Variants in ANKRD27 observed in about 807,000 individuals in gnomAD.
ANKRD27 encodes the protein ankyrin repeat domain 27, also known as ankyrin repeat domain-containing protein 27.
Under a neutral mutation model 129.7 loss-of-function variants are expected in ANKRD27, and 112 were observed. The ratio of observed to expected loss-of-function variants is 0.86; its 90% confidence interval spans 0.74 to 1.01. The LOEUF is 1.01. ANKRD27 is among the 50% of genes least tolerant of loss of function. ANKRD27 has a pLI of 0.00. For missense variants in ANKRD27, 1,258 were observed against 1,300.5 expected (o/e 0.97, Z 0.50); for synonymous variants, 516 against 511.2 (o/e 1.01, Z -0.13).
chr19:32,659,251 T>C (rs1203594761), intron 1 of ANKRD27, among the ~76,000 whole-genome samples: 2 of 151,596 alleles, frequency 1.3e-5, no homozygotes, highest in Non-Finnish European at 2.9e-5. Context: ...CCGCGAATTT[T>C]TGTATTTTTA....
chr19:32,601,444 AC>A (rs1847449970), intron 26 of ANKRD27, among the ~76,000 whole-genome samples: 1 of 151,314 alleles, frequency 6.6e-6, no homozygotes, highest in Non-Finnish European at 1.5e-5. Flanking sequence ...AAATACAAAA[AC>A]AAAATTAGCT....
At chr19:32,634,651 G>A (rs1967057530) in intron 12 of ANKRD27, among the ~76,000 whole-genome samples, 1 of 152,090 alleles carries the variant, frequency 6.6e-6, no homozygotes, top group Non-Finnish European at 1.5e-5. Context: ...CGCAGTGGCT[G>A]GTACCTGTAA....
intron 20 of ANKRD27, 120 bp from the exon 21 acceptor site, chr19:32,617,753 GTTTT>G (rs375079407): frequency 1.8e-4 from 52 of 296,958 alleles, no homozygotes; most frequent in East Asian, 4.0e-4. Context: ...GTCTGATTTA[GTTTT>G]TTTTTTTTTT....
rs1424266918 is a variant in ANKRD27 at position 32,649,782 on chromosome 19, G to A, written c.113C>T (p.Pro38Leu). Residue 38 changes from proline (P) to leucine (L), a missense_variant, in exon 3 of 29, where the codon CCC (proline) becomes CTC (leucine). By Grantham distance (98) the Pro-to-Leu change is moderately conservative. Transcript: ENST00000306065. The part of the protein sequence containing the change: ...VAQIHGIVLV[P>L]CKGSLSSSIQ... ...GCTGCTCGACAGGCTTCCTTTGCAGGGTACTAAGACCTGGAAAAAACAATT... is the reference window on the plus strand; with the variant it reads ...GCTGCTCGACAGGCTTCCTTTGCAGAGTACTAAGACCTGGAAAAAACAATT... The A allele has an allele frequency of 6.2e-7, 1 of 1,612,998 alleles. No individual in the cohort carries two copies. The highest frequency in any genetic ancestry group is 1.1e-5 in the South Asian group (1 of 91,048).
At chr19:32,632,930 C>T (rs1421533929) in intron 12 of ANKRD27, among the ~76,000 whole-genome samples, 1 of 152,180 alleles carries the variant, frequency 6.6e-6, no homozygotes, top group Non-Finnish European at 1.5e-5. Flanking sequence ...CAGCAGTCCC[C>T]CAGGAGGGTT....
chr19:32,601,080 CTT>C (rs2145254441), intron 26 of ANKRD27, among the ~76,000 whole-genome samples: 3 of 151,376 alleles, frequency 2.0e-5, no homozygotes, highest in South Asian at 2.1e-4. Flanking sequence ...GGGCGGATCA[CTT>C]GAGGTCAGGA....
At chr19:32,600,981 C>A (rs1971643055) in intron 26 of ANKRD27, among the ~76,000 whole-genome samples, 1 of 152,082 alleles carries the variant, frequency 6.6e-6, no homozygotes, top group Non-Finnish European at 1.5e-5. Context: ...TTATAATCAA[C>A]CTCCGTACAC....
rs1235216585 is a variant in ANKRD27, at chr19:32,619,347, G to T, written c.1920C>A (p.Asp640Glu). 1 of 1,613,836 alleles carries T rather than the reference G, an allele frequency of 6.2e-7. No homozygotes were observed. Among genetic ancestry groups the T allele is most frequent in the Admixed American group, 1.7e-5 (1 of 60,010 alleles). The change falls in exon 20 of 29, where the codon GAC becomes GAA. Residue 640 changes from aspartate (D) to glutamate (E), a missense_variant. Physicochemically the swap from Asp to Glu is conservative, Grantham distance 45. Transcript: ENST00000306065. ...APVQSPQRSV[D>E]SISQESSTSS... ...AAGTGGAGGACTCTTGGCTGATGGAGTCCACGGAGCGCTGCGGGGACTGCA... is the reference window on the plus strand; with the variant it reads ...AAGTGGAGGACTCTTGGCTGATGGATTCCACGGAGCGCTGCGGGGACTGCA...
At chr19:32,631,361 C>T in intron 13 of ANKRD27, 41 bp downstream of exon 13, 1 of 1,559,218 alleles carries the variant, frequency 6.4e-7, no homozygotes, top group Non-Finnish European at 8.8e-7. Context: ...ATGCAGTGTT[C>T]CTCACCCACA....
Position 32,642,095 on chromosome 19 carries a change from G to A in ANKRD27, c.833C>T (p.Thr278Ile), listed in dbSNP as rs1245438552. 21 of 1,610,846 alleles carry A rather than the reference G, an allele frequency of 1.3e-5. No individual in the cohort carries two copies. The highest frequency in any genetic ancestry group is 1.7e-5 in the Non-Finnish European group (20 of 1,177,834). ...GCAGACAAGCTTCTGCTGTGGGGAG[G>A]TGCATTTGTTCAGCTGAGCCAGCTC... ...KRELAQLNKCTSPQQKLVCLR... is the reference protein window; with the variant it reads ...KRELAQLNKCISPQQKLVCLR... Residue 278 changes from threonine (T) to isoleucine (I), a missense_variant, in exon 10 of 29, where the codon ACC (threonine) becomes ATC (isoleucine). Coordinates refer to ENST00000306065, the MANE Select transcript of ANKRD27 (RefSeq NM_032139.3).
Position 32,598,214 on chromosome 19 carries a change from G to A in ANKRD27, c.3084C>T (p.Val1028=), listed in dbSNP as rs376452284. 97 of 1,614,106 alleles carry A rather than the reference G, an allele frequency of 6.0e-5. No individual in the cohort carries two copies. In the South Asian group the frequency reaches 8.0e-4, roughly 13 times the overall value. ...MLRRHTVEDA[V]VSQGPEAAGP... Reference sequence around the variant, plus strand: ...CAGCAGCCTCCGGGCCCTGGGACACGACCGCATCCTCTACCGTGTGTCTCC... The same window carrying A: ...CAGCAGCCTCCGGGCCCTGGGACACAACCGCATCCTCTACCGTGTGTCTCC... Residue 1028 remains valine, a synonymous_variant, in exon 29 of 29, where the codon GTC becomes GTT. Coordinates refer to ENST00000306065, the MANE Select transcript of ANKRD27 (RefSeq NM_032139.3).
At chr19:32,650,038 G>A (rs868509787) in intron 2 of ANKRD27, among the ~76,000 whole-genome samples, 2 of 152,112 alleles carry the variant, frequency 1.3e-5, no homozygotes, top group African/African-American at 2.4e-5. Flanking sequence ...GGGAGGAGGC[G>A]AACAGTACAA....
rs1967378176 is a variant in ANKRD27, at chr19:32,649,865, A to G, written c.103-73T>C. Reference sequence around the variant, plus strand: ...ACCTCAGCAGAACAAGGTGTCCCCAAAGGCGCTCCAGCTGGACACACAGCG... The same window carrying G: ...ACCTCAGCAGAACAAGGTGTCCCCAGAGGCGCTCCAGCTGGACACACAGCG... On this transcript the variant is annotated intron_variant, in intron 2 of 28. Coordinates refer to ENST00000306065, the MANE Select transcript of ANKRD27 (RefSeq NM_032139.3). 4 of 986,182 alleles carry G rather than the reference A, an allele frequency of 4.1e-6. No homozygotes were observed. The East Asian group carries it at 7.2e-5, about 18-fold the overall frequency. 61.1% of individuals were successfully genotyped at this position (986,182 alleles called of 1,614,324 possible).
At chr19:32,672,507 A>C (rs898249473) in intron 1 of ANKRD27, among the ~76,000 whole-genome samples, 1 of 152,182 alleles carries the variant, frequency 6.6e-6, no homozygotes, top group African/African-American at 2.4e-5. Context: ...GTCATCTCTC[A>C]CAAGAGCTGG....
chr19:32,607,275 TGGCCCAGAGCAA>T lies in ANKRD27; in HGVS notation c.2373+348_2373+359del, dbSNP rs560943576. Among the ~76,000 whole-genome samples, 99 of 152,254 alleles carry T rather than the reference TGGCCCAGAGCAA, an allele frequency of 6.5e-4. 2 individuals are homozygous for T. In the East Asian group the frequency reaches 6.8e-3, roughly 10 times the overall value. On this transcript the variant is annotated intron_variant, in intron 23 of 28. Coordinates refer to ENST00000306065, the MANE Select transcript of ANKRD27 (RefSeq NM_032139.3). ...GTTCTTTATGAAGTGCTGAACTGTT[TGGCCCAGAGCAA>T]GGCACTGTCGGGGTGTAAAGGTGGT...
At chr19:32,644,282 C>A (rs1260622393) in intron 5 of ANKRD27, 43 bp downstream of exon 5, 1 of 1,595,484 alleles carries the variant, frequency 6.3e-7, no homozygotes. Flanking sequence ...CTGCACTGAA[C>A]CGAGACAGGG....
At position 32,646,725 on chromosome 19, in the gene ANKRD27, G is replaced by A. The variant is rs1179610655; in HGVS notation, c.214-110C>T. 3 of 1,158,308 alleles carry A rather than the reference G, an allele frequency of 2.6e-6. No individual in the cohort carries two copies. The East Asian group carries it at 7.7e-5, about 30-fold the overall frequency. The allele number at this position is 1,158,308 out of a possible 1,614,324, so 71.8% of individuals were successfully genotyped here. On this transcript the variant is annotated intron_variant, in intron 3 of 28. Coordinates refer to ENST00000306065, the MANE Select transcript of ANKRD27 (RefSeq NM_032139.3). ...CAGACCCTACGGCCTTCACCCCATT[G>A]TGGGTTTGCTGGGGCACAAATACTC...
chr19:32,640,673 G>T (rs1047487750), intron 10 of ANKRD27, among the ~76,000 whole-genome samples: 44 of 152,166 alleles, frequency 2.9e-4, no homozygotes, highest in Non-Finnish European at 2.9e-5. Context: ...AGGCCGAGAC[G>T]GGAGAATTGC....
intron 2 of ANKRD27, among the ~76,000 whole-genome samples, chr19:32,657,411 G>C (rs982334182): frequency 6.6e-6 from 1 of 151,156 alleles, no homozygotes; most frequent in Non-Finnish European, 1.5e-5. Context: ...GCAGTGAGTC[G>C]AGATTGCGCC....
Sources: gnomAD v4.1 joint callset for allele counts (sites outside exome capture counted in the v4.1 genomes callset) on GRCh38, gnomAD v4.1.1 for gene constraint, MANE v1.5 for transcripts, NCBI Gene and HGNC (gene_info 2026-07-23, HGNC 2026-07-21) for gene names.